The following NCOA2 variants were observed in gnomAD, a reference collection of about 807,000 sequenced individuals.
The protein encoded by NCOA2 is class E basic helix-loop-helix protein 75.
NCOA2 carries 21 observed loss-of-function variants against 145.1 expected under a neutral mutation model. The observed-to-expected ratio is 0.14, with a 90% CI of 0.10 to 0.21. The LOEUF (loss-of-function observed/expected upper bound fraction) is 0.21, where lower values mean the gene tolerates loss of function less well. Ranked by LOEUF, NCOA2 falls within the 10% of genes least tolerant of loss-of-function variation. The pLI is 1.00. For missense variants in NCOA2, 1,472 were observed against 1,837.6 expected, an observed-to-expected ratio of 0.80 and a Z score of 3.64; for synonymous variants, 619 against 637.5, an observed-to-expected ratio of 0.97 and a Z score of 0.44.
chr8:70,157,700 A>G (rs1812443501), intron 10 of NCOA2, among the ~76,000 whole-genome samples: 1 of 152,244 alleles, frequency 6.6e-6, no homozygotes, highest in South Asian at 2.1e-4. Flanking sequence ...TTGGCTCAAG[A>G]TAAACACGCT....
chr8:70,147,890 TAA>T (rs566551810), intron 12 of NCOA2, among the ~76,000 whole-genome samples: 2 of 152,234 alleles, frequency 1.3e-5, no homozygotes, highest in Non-Finnish European at 2.9e-5. Context: ...GTATTATCCC[TAA>T]AAAGTCAGCA....
chr8:70,213,579 G>A (rs1167703754), intron 4 of NCOA2, among the ~76,000 whole-genome samples: 1 of 152,136 alleles, frequency 6.6e-6, no homozygotes, highest in Non-Finnish European at 1.5e-5. Flanking sequence ...TGCAACTTTT[G>A]ATGGTCACTT....
intron 2 of NCOA2, among the ~76,000 whole-genome samples, chr8:70,274,414 C>T (rs1034121371): frequency 6.6e-6 from 1 of 152,178 alleles, no homozygotes; most frequent in Admixed American, 6.5e-5. Flanking sequence ...GGGCGAGAAC[C>T]TACCATGTGC....
rs148810243 is a variant in NCOA2, at chr8:70,154,284, A to G, written c.2394+1687T>C. Among the ~76,000 whole-genome samples, 349 of 152,342 alleles carry G rather than the reference A, an allele frequency of 2.3e-3. 3 individuals are homozygous for G. The highest frequency in any genetic ancestry group is 8.1e-3 in the African/African-American group (336 of 41,570). The stretch of plus-strand genomic sequence containing the variant: ...TTAACCAATCATGACCCAAGAACAG[A>G]TAAGAAGTATAGGGCATATTCAGGG... On this transcript the variant is annotated intron_variant, in intron 11 of 22. Transcript: ENST00000452400.
the NCOA2 span, among the ~76,000 whole-genome samples, chr8:70,449,018 C>T: frequency 6.6e-6 from 1 of 152,064 alleles, no homozygotes; most frequent in South Asian, 2.1e-4. Flanking sequence ...GTTGTCCAGG[C>T]TGGTCTCAAA....
At chr8:70,223,352 T>G (rs1051637852) in intron 2 of NCOA2, among the ~76,000 whole-genome samples, 1 of 152,202 alleles carries the variant, frequency 6.6e-6, no homozygotes, top group Non-Finnish European at 1.5e-5. Flanking sequence ...GTCAAGACAG[T>G]CTGTACCTAT....
At chr8:70,339,803 G>C (rs1807957323) in intron 1 of NCOA2, among the ~76,000 whole-genome samples, 1 of 152,144 alleles carries the variant, frequency 6.6e-6, no homozygotes, top group African/African-American at 2.4e-5. Flanking sequence ...ACAACCATCT[G>C]ATCTTCAACA....
intron 2 of NCOA2, among the ~76,000 whole-genome samples, chr8:70,270,192 G>A (rs573837746): frequency 2.7e-5 from 4 of 147,698 alleles, no homozygotes; most frequent in African/African-American, 1.0e-4. Flanking sequence ...AAAAAACAGG[G>A]AGAAAAAAAA....
chr8:70,128,914 G>A lies in NCOA2; in HGVS notation c.3391C>T (p.Pro1131Ser). The A allele has an allele frequency of 6.2e-7, 1 of 1,612,640 alleles. No homozygotes were observed. Among genetic ancestry groups the A allele is most frequent in the Non-Finnish European group, 8.5e-7 (1 of 1,179,256 alleles). ...GATGCATACTGCTGTGGGAAAACGG[G>A]CGCCTTCTGCTCCAGCATGATGTTG... Reference protein sequence around the residue: ...DSNIMLEQKAPVFPQQYASQA... With the variant: ...DSNIMLEQKASVFPQQYASQA... Residue 1131 changes from proline to serine, a missense_variant, in exon 17 of 23, where the codon CCC becomes TCC. By Grantham distance (74) the Pro-to-Ser change is moderately conservative. This residue lies in a region of NCOA2 where 953 missense variants were observed against 1,062.1 expected (regional missense o/e 0.90). Coordinates refer to ENST00000452400, the MANE Select transcript of NCOA2 (RefSeq NM_006540.4).
chr8:70,409,032 A>C, the NCOA2 span, among the ~76,000 whole-genome samples: 1 of 152,240 alleles, frequency 6.6e-6, no homozygotes, highest in African/African-American at 2.4e-5. Flanking sequence ...TGAGGCAAAG[A>C]GTTTGAGACC....
Position 70,111,763 on chromosome 8 carries a change from A to T in NCOA2, c.*1869T>A, listed in dbSNP as rs186447339. 1,325 of 215,760 alleles carry T rather than the reference A, an allele frequency of 6.1e-3. 3 individuals carry two copies. The highest frequency in any genetic ancestry group is 9.9e-3 in the Non-Finnish European group (1,062 of 107,192). 13.4% of individuals were successfully genotyped at this position (215,760 alleles called of 1,614,324 possible). ...GAGAGATATAAGTATAAATAGGGGTAGTTTGTACATTTTTCACCCTGCCAC... is the reference window on the plus strand; with the variant it reads ...GAGAGATATAAGTATAAATAGGGGTTGTTTGTACATTTTTCACCCTGCCAC... On this transcript the variant is annotated 3_prime_UTR_variant, in exon 23 of 23. Coordinates refer to ENST00000452400, the MANE Select transcript of NCOA2 (RefSeq NM_006540.4).
At chr8:70,447,212 A>G in the NCOA2 span, among the ~76,000 whole-genome samples, 1 of 152,204 alleles carries the variant, frequency 6.6e-6, no homozygotes, top group Non-Finnish European at 1.5e-5. Flanking sequence ...GGGCTAGAGC[A>G]TTCCAAACTC....
intron 11 of NCOA2, among the ~76,000 whole-genome samples, chr8:70,149,696 T>C (rs1175202384): frequency 2.0e-5 from 3 of 152,244 alleles, no homozygotes; most frequent in Non-Finnish European, 2.9e-5. Flanking sequence ...TTACAGATAT[T>C]CTTTTAAATA....
At chr8:70,122,467 G>C (rs1234098622) in intron 21 of NCOA2, among the ~76,000 whole-genome samples, 1 of 150,710 alleles carries the variant, frequency 6.6e-6, no homozygotes, top group Non-Finnish European at 1.5e-5. Context: ...ATGTTGCCCA[G>C]ACTGGTCTTG....
intron 2 of NCOA2, among the ~76,000 whole-genome samples, chr8:70,269,541 G>GCA (rs1824881162): frequency 6.6e-6 from 1 of 152,238 alleles, no homozygotes; most frequent in South Asian, 2.1e-4. Flanking sequence ...TTTTTCTACA[G>GCA]CACACACACT....
intron 1 of NCOA2, among the ~76,000 whole-genome samples, chr8:70,320,567 T>C (rs1018440694): frequency 2.0e-5 from 3 of 152,124 alleles, no homozygotes; most frequent in Non-Finnish European, 2.9e-5. Flanking sequence ...ATAAAAAGCA[T>C]AGGCTATAAG....
intron 1 of NCOA2, among the ~76,000 whole-genome samples, chr8:70,342,005 A>C (rs1218773509): frequency 6.6e-6 from 1 of 152,180 alleles, no homozygotes; most frequent in African/African-American, 2.4e-5. Flanking sequence ...TCTCCTAAAA[A>C]CAAACTTTTT....
chr8:70,305,857 T>C (rs1363343616), intron 1 of NCOA2, among the ~76,000 whole-genome samples: 1 of 152,208 alleles, frequency 6.6e-6, no homozygotes, highest in African/African-American at 2.4e-5. Context: ...GAGAAAAGCT[T>C]TGCAACTCAC....
the NCOA2 span, among the ~76,000 whole-genome samples, chr8:70,427,159 G>C: frequency 6.6e-6 from 1 of 152,080 alleles, no homozygotes. Flanking sequence ...TTCTAACACT[G>C]TGCCAAATTG....
Sources: allele counts gnomAD v4.1 joint callset (sites outside exome capture counted in the v4.1 genomes callset), GRCh38; gene constraint gnomAD v4.1.1; regional missense constraint gnomAD v4.1.1; transcripts MANE v1.5; gene names NCBI Gene and HGNC (gene_info 2026-07-23, HGNC 2026-07-21).